Variants in SCFD1 observed in about 807,000 individuals in gnomAD.
The protein encoded by SCFD1 is sec1 family domain containing 1.
SCFD1 carries 37 observed loss-of-function variants against 103.2 expected under a neutral mutation model. The ratio of observed to expected loss-of-function variants is 0.36; its 90% CI spans 0.28 to 0.47. The LOEUF is 0.47. Ranked by LOEUF, SCFD1 falls within the 20% of genes least tolerant of loss-of-function variation. The pLI is 1.00. For missense variants in SCFD1, 639 were observed against 761.2 expected (o/e 0.84, Z 1.89); for synonymous variants, 264 against 245.0 (o/e 1.08, Z -0.73).
At chr14:30,705,783 C>T in intron 17 of SCFD1, 40 bp from the exon 18 acceptor site, 1 of 1,507,970 alleles carries the variant, frequency 6.6e-7, no homozygotes, top group Non-Finnish European at 9.2e-7. Flanking sequence ...AGAGTTAGTT[C>T]TAATAATTAG....
chr14:30,664,113 C>CA (rs1566610443), intron 10 of SCFD1, among the ~76,000 whole-genome samples: 2 of 152,118 alleles, frequency 1.3e-5, no homozygotes, highest in Non-Finnish European at 2.9e-5. Context: ...AACATGGAGA[C>CA]ATCTCCCAGT....
At position 30,707,971 on chromosome 14, in the gene SCFD1, C is replaced by G. The variant is rs1566649884; in HGVS notation, c.1554-19C>G. 2.5e-6 allele frequency: 4 copies of G among 1,578,292 alleles called. No individual in the cohort carries two copies. Among genetic ancestry groups the G allele is most frequent in the Non-Finnish European group, 3.5e-6 (4 of 1,147,738 alleles). On this transcript the variant is annotated intron_variant, in intron 18 of 24. Transcript: ENST00000458591. Reference sequence around the variant, plus strand: ...GCACTTTGTACTTAGAATGGTCCTTCTCTTTTGCCCCTACCTAGTCTTTTA... The same window carrying G: ...GCACTTTGTACTTAGAATGGTCCTTGTCTTTTGCCCCTACCTAGTCTTTTA...
chr14:30,700,359 A>G, intron 16 of SCFD1, 101 bp downstream of exon 16: 1 of 813,406 alleles, frequency 1.2e-6, no homozygotes, highest in Non-Finnish European at 2.0e-6. Context: ...GTGGCTAAAT[A>G]TCTGCTTCAT....
intron 14 of SCFD1, among the ~76,000 whole-genome samples, chr14:30,675,802 T>A (rs567683223): frequency 1.3e-5 from 2 of 152,188 alleles, no homozygotes; most frequent in Non-Finnish European, 2.9e-5. Context: ...TGATAACACC[T>A]GGGATTTATT....
chr14:30,682,996 C>G, intron 14 of SCFD1: 1 of 933,328 alleles, frequency 1.1e-6, no homozygotes, highest in Non-Finnish European at 1.6e-6. Context: ...GACAGACCAT[C>G]TAAGGAAAAG....
chr14:30,659,488 C>A (rs1887236905), intron 10 of SCFD1, among the ~76,000 whole-genome samples: 1 of 152,104 alleles, frequency 6.6e-6, no homozygotes, highest in Admixed American at 6.5e-5. Context: ...GACCCAAATT[C>A]TTTACTACTT....
chr14:30,650,693 T>G (rs1348678530), intron 9 of SCFD1, 43 bp downstream of exon 9: 1 of 1,189,846 alleles, frequency 8.4e-7, no homozygotes, highest in Non-Finnish European at 1.2e-6. Context: ...TTAAAATATT[T>G]GTAGAGTTTT....
intron 17 of SCFD1, among the ~76,000 whole-genome samples, chr14:30,703,043 G>A (rs1327823415): frequency 1.3e-5 from 2 of 150,146 alleles, no homozygotes; most frequent in East Asian, 1.9e-4. Context: ...AAATGCTCAC[G>A]TTATATTGCA....
chr14:30,668,086 G>T (rs1269900281), intron 10 of SCFD1, among the ~76,000 whole-genome samples: 1 of 152,182 alleles, frequency 6.6e-6, no homozygotes, highest in Non-Finnish European at 1.5e-5. Context: ...AGCCCGCATT[G>T]CCAAGTCAAT....
intron 4 of SCFD1, chr14:30,635,149 A>G: frequency 2.8e-6 from 1 of 357,022 alleles, no homozygotes; most frequent in East Asian, 7.4e-5. Context: ...TAGCTTTATG[A>G]TGCCCAGCTT....
intron 16 of SCFD1, 73 bp downstream of exon 16, chr14:30,700,331 A>ATT: frequency 9.9e-7 from 1 of 1,012,710 alleles, no homozygotes; most frequent in Non-Finnish European, 1.5e-6. Context: ...AGATTTTAAA[A>ATT]CAGAAGTAAA....
chr14:30,638,522 T>G (rs538534391), intron 5 of SCFD1, among the ~76,000 whole-genome samples: 2 of 152,172 alleles, frequency 1.3e-5, no homozygotes, highest in Non-Finnish European at 2.9e-5. Flanking sequence ...TTGTATAATA[T>G]TTTTAGGTCA....
intron 9 of SCFD1, among the ~76,000 whole-genome samples, chr14:30,651,983 A>G (rs558071787): frequency 6.6e-6 from 1 of 152,282 alleles, no homozygotes; most frequent in East Asian, 1.9e-4. Flanking sequence ...CCCTATAACA[A>G]GAAATTATCC....
intron 15 of SCFD1, among the ~76,000 whole-genome samples, chr14:30,698,300 A>G (rs1221986969): frequency 6.6e-6 from 1 of 152,202 alleles, no homozygotes; most frequent in African/African-American, 2.4e-5. Flanking sequence ...CATGCTGACA[A>G]TTTCAGTTTG....
At chr14:30,727,608 G>A (rs1893138070) in intron 23 of SCFD1, among the ~76,000 whole-genome samples, 1 of 152,118 alleles carries the variant, frequency 6.6e-6, no homozygotes, top group Admixed American at 6.6e-5. Context: ...TTGCTCCCAG[G>A]CTCTTACGAG....
At chr14:30,656,064 G>A (rs1285504679) in intron 10 of SCFD1, among the ~76,000 whole-genome samples, 1 of 151,874 alleles carries the variant, frequency 6.6e-6, no homozygotes, top group Non-Finnish European at 1.5e-5. Context: ...ACAGTGAACT[G>A]TGATCACATC....
intron 23 of SCFD1, among the ~76,000 whole-genome samples, chr14:30,725,403 C>G (rs1470365815): frequency 6.6e-6 from 1 of 152,070 alleles, no homozygotes; most frequent in East Asian, 1.9e-4. Context: ...CTTTCACCTC[C>G]CTAGTTAGCT....
rs1893720616 is a variant in SCFD1 at position 30,734,779 on chromosome 14, G to C, written c.1837-11G>C. On this transcript the variant is annotated splice_polypyrimidine_tract_variant and intron_variant, in intron 23 of 24. Coordinates refer to ENST00000458591, the MANE Select transcript of SCFD1 (RefSeq NM_016106.4). ...TTACTTGTATCTAAGTTCTGACTCT[G>C]ATTTTTACAGGGGAAACAAGGCAAA... is the stretch of plus-strand genomic sequence containing the variant. 6.2e-7 allele frequency: 1 copy of C among 1,607,168 alleles called. No individual in the cohort carries two copies. Among genetic ancestry groups the C allele is most frequent in the Non-Finnish European group, 8.5e-7 (1 of 1,173,990 alleles).
At chr14:30,709,838 GC>G (rs1341995407) in intron 19 of SCFD1, among the ~76,000 whole-genome samples, 1 of 152,154 alleles carries the variant, frequency 6.6e-6, no homozygotes, top group Non-Finnish European at 1.5e-5. Flanking sequence ...TCTGCCTTTT[GC>G]TAGATAGACT....
Sources: allele counts gnomAD v4.1 joint callset (sites outside exome capture counted in the v4.1 genomes callset), GRCh38; gene constraint gnomAD v4.1.1; transcripts MANE v1.5; gene names NCBI Gene and HGNC (gene_info 2026-07-23, HGNC 2026-07-21).